GALNT7: variants seen among roughly 807,000 people sequenced by gnomAD.
The protein encoded by GALNT7 is N-acetylgalactosaminyltransferase 7.
In GALNT7, 60 loss-of-function variants were observed where a neutral mutation model predicts 82.1. That is an observed-to-expected ratio of 0.73 (90% CI 0.59 to 0.91). The LOEUF (loss-of-function observed/expected upper bound fraction) is 0.91, where lower values mean the gene tolerates loss of function less well. Ranked by LOEUF, GALNT7 falls within the 40% of genes least tolerant of loss-of-function variation. The probability of loss-of-function intolerance (pLI) is 0.00; values close to 1 mark genes in which losing one functional copy is unlikely to be tolerated. For missense variants in GALNT7, 660 were observed against 804.2 expected (o/e 0.82, Z 2.17); for synonymous variants, 243 against 275.1 (o/e 0.88, Z 1.15).
intron 8 of GALNT7, among the ~76,000 whole-genome samples, chr4:173,306,579 CA>C (rs1737162996): frequency 6.6e-6 from 1 of 152,148 alleles, no homozygotes; most frequent in Non-Finnish European, 1.5e-5. Flanking sequence ...TGAATTTTGT[CA>C]AATGCCTTTT....
intron 6 of GALNT7, among the ~76,000 whole-genome samples, chr4:173,300,727 G>A (rs1471926607): frequency 6.6e-6 from 1 of 152,080 alleles, no homozygotes; most frequent in African/African-American, 2.4e-5. Flanking sequence ...GCCTTGAGCA[G>A]GGGGCAGAAG....
intron 2 of GALNT7, among the ~76,000 whole-genome samples, chr4:173,259,470 A>C (rs534304811): frequency 6.6e-6 from 1 of 151,746 alleles, no homozygotes; most frequent in East Asian, 1.9e-4. Context: ...TGGAGAAAAA[A>C]GATCCAATCC....
chr4:173,291,895 A>G (rs867541899), intron 2 of GALNT7, among the ~76,000 whole-genome samples: 3 of 151,990 alleles, frequency 2.0e-5, no homozygotes, highest in South Asian at 4.1e-4. Flanking sequence ...CAGAATAAGT[A>G]TTGGTTATGC....
intron 2 of GALNT7, among the ~76,000 whole-genome samples, chr4:173,272,956 T>C (rs1238922712): frequency 6.6e-6 from 1 of 152,228 alleles, no homozygotes; most frequent in Non-Finnish European, 1.5e-5. Context: ...GCCATTACTA[T>C]CAATGTTTAA....
At chr4:173,214,841 T>C (rs1404462416) in intron 1 of GALNT7, among the ~76,000 whole-genome samples, 2 of 151,862 alleles carry the variant, frequency 1.3e-5, no homozygotes, top group African/African-American at 4.8e-5. Context: ...GCCCTAGTAG[T>C]GACAGCATTT....
chr4:173,245,100 C>T (rs1265730096), intron 1 of GALNT7, among the ~76,000 whole-genome samples: 2 of 151,424 alleles, frequency 1.3e-5, no homozygotes, highest in Non-Finnish European at 2.9e-5. Flanking sequence ...TAAAACTGGT[C>T]ACTGAGCTTG....
intron 8 of GALNT7, 61 bp downstream of exon 8, chr4:173,304,179 G>A: frequency 6.9e-7 from 1 of 1,440,764 alleles, no homozygotes; most frequent in Non-Finnish European, 9.6e-7. Context: ...ACATGCTATA[G>A]TAGTTACTTA....
intron 1 of GALNT7, among the ~76,000 whole-genome samples, chr4:173,243,642 G>A (rs1049280286): frequency 2.0e-5 from 3 of 152,138 alleles, no homozygotes; most frequent in African/African-American, 7.2e-5. Flanking sequence ...ATTATTCTTA[G>A]TTGACTTGGG....
intron 1 of GALNT7, among the ~76,000 whole-genome samples, chr4:173,200,631 G>A (rs1306217331): frequency 2.0e-5 from 3 of 152,128 alleles, no homozygotes; most frequent in African/African-American, 7.2e-5. Flanking sequence ...CAGTAGTTTT[G>A]TCTTTTAAAA....
In GALNT7 at chr4:173,208,074, C is replaced by A. The variant is rs1331752632; in HGVS notation, c.126+39113C>A. On this transcript the variant is annotated intron_variant, in intron 1 of 11. Coordinates refer to ENST00000265000, the MANE Select transcript of GALNT7 (RefSeq NM_017423.3). ...GTGTTCCTATTGATTTGTAAGAGTTCTCTAGGGGAGGGGACTTGGATTTAA... is the reference window on the plus strand; with the variant it reads ...GTGTTCCTATTGATTTGTAAGAGTTATCTAGGGGAGGGGACTTGGATTTAA... Among the ~76,000 whole-genome samples the A allele has an allele frequency of 2.6e-5, 4 of 152,044 alleles. No individual in the cohort carries two copies. The East Asian group carries it at 7.7e-4, about 29-fold the overall frequency.
intron 1 of GALNT7, among the ~76,000 whole-genome samples, chr4:173,202,807 C>T (rs1732981142): frequency 6.6e-6 from 1 of 152,156 alleles, no homozygotes; most frequent in Admixed American, 6.5e-5. Flanking sequence ...CTGTCTCTCC[C>T]TTCACATCTA....
intron 1 of GALNT7, among the ~76,000 whole-genome samples, chr4:173,233,382 T>G (rs1339603436): frequency 6.6e-6 from 1 of 152,244 alleles, no homozygotes; most frequent in African/African-American, 2.4e-5. Context: ...TTACTCTGCA[T>G]GTTTGCCAGC....
intron 1 of GALNT7, among the ~76,000 whole-genome samples, chr4:173,204,928 T>A (rs991839499): frequency 3.9e-5 from 6 of 152,236 alleles, no homozygotes; most frequent in Non-Finnish European, 8.8e-5. Context: ...AAGGACTTAT[T>A]CCAGACTTTG....
chr4:173,206,223 C>T (rs1005959851), intron 1 of GALNT7, among the ~76,000 whole-genome samples: 3 of 152,180 alleles, frequency 2.0e-5, no homozygotes, highest in Admixed American at 6.5e-5. Flanking sequence ...TCTCTCCTTC[C>T]CCCATACTGA....
At position 173,258,720 on chromosome 4, in the gene GALNT7, C is replaced by T. The variant is rs528983962; in HGVS notation, c.587+10280C>T. ...TCAGAGAACTAGAAAACTTGCAGGT[C>T]ACGTAACTCGAAGATGGAGATCCTG... is the stretch of plus-strand genomic sequence containing the variant. On this transcript the variant is annotated intron_variant, in intron 2 of 11. Coordinates refer to ENST00000265000, the MANE Select transcript of GALNT7 (RefSeq NM_017423.3). 3.3e-4 allele frequency among the ~76,000 whole-genome samples: 51 copies of T among 152,262 alleles called. No individual in the cohort carries two copies. In the South Asian group the frequency reaches 0.01, roughly 31 times the overall value.
At chr4:173,203,915 T>C (rs945559295) in intron 1 of GALNT7, among the ~76,000 whole-genome samples, 1 of 152,248 alleles carries the variant, frequency 6.6e-6, no homozygotes, top group Non-Finnish European at 1.5e-5. Context: ...ACTGTGTACT[T>C]TTACCAGTAA....
At chr4:173,216,352 G>T (rs576149279) in intron 1 of GALNT7, among the ~76,000 whole-genome samples, 1 of 152,120 alleles carries the variant, frequency 6.6e-6, no homozygotes, top group Non-Finnish European at 1.5e-5. Context: ...GCTTAAAATA[G>T]ATAAGTACAA....
At chr4:173,228,752 G>C (rs1733924738) in intron 1 of GALNT7, among the ~76,000 whole-genome samples, 2 of 152,096 alleles carry the variant, frequency 1.3e-5, no homozygotes, top group Admixed American at 1.3e-4. Context: ...TAAGATCTTT[G>C]TGACCCTAAA....
intron 2 of GALNT7, among the ~76,000 whole-genome samples, chr4:173,285,519 C>T (rs969423901): frequency 2.0e-5 from 3 of 152,342 alleles, no homozygotes; most frequent in African/African-American, 7.2e-5. Flanking sequence ...CACATTTTTA[C>T]ACCTTGAAGA....
Sources: allele counts gnomAD v4.1 joint callset (sites outside exome capture counted in the v4.1 genomes callset), GRCh38; gene constraint gnomAD v4.1.1; transcripts MANE v1.5; gene names NCBI Gene and HGNC (gene_info 2026-07-23, HGNC 2026-07-21).